Variants in SYT5 observed in about 807,000 individuals in gnomAD.
SYT5 encodes synaptotagmin-5.
Under a neutral mutation model 36.0 loss-of-function variants are expected in SYT5, and 29 were observed. That is an observed-to-expected ratio of 0.81 (90% CI 0.60 to 1.10). The LOEUF is 1.10. Among genes scored for constraint, SYT5 ranks in the 50% least tolerant of loss-of-function variants. SYT5 has a pLI of 0.00. For missense variants in SYT5, 512 were observed against 516.0 expected (o/e 0.99, Z 0.08); for synonymous variants, 231 against 227.6 (o/e 1.02, Z -0.14).
In SYT5 at chr19:55,179,189, C is replaced by T. The variant is rs999732981; in HGVS notation, c.-45-103G>A. ...CGCGAACAGCCGCGCAGAAACCGGA[C>T]AGCCACCGCGAGTCATGCTGGGAGT... On this transcript the variant is annotated intron_variant, in intron 1 of 8. Transcript: ENST00000354308. This position sits in a 1 kb window ranked among gnomAD's most constrained non-coding sequence, Gnocchi z 4.5. 3.9e-6 allele frequency: 6 copies of T among 1,533,600 alleles called. No homozygotes were observed. Among genetic ancestry groups the T allele is most frequent in the African/African-American group, 2.7e-5 (2 of 72,866 alleles). 95.0% of individuals were successfully genotyped at this position (1,533,600 alleles called of 1,614,324 possible).
In SYT5 at chr19:55,173,402, G is replaced by A; in HGVS notation, c.*82C>T. ...AACCGTCAGAGGAAGCTTAAGGGTG[G>A]GGCTGGCTTGGCTTTGGCCGGTCTC... On this transcript the variant is annotated 3_prime_UTR_variant, in exon 9 of 9. Coordinates refer to ENST00000354308, the MANE Select transcript of SYT5 (RefSeq NM_003180.3). This position sits in a 1 kb window ranked among gnomAD's most constrained non-coding sequence, Gnocchi z 5.4. 5 of 1,207,768 alleles carry A rather than the reference G, an allele frequency of 4.1e-6. No homozygotes were observed. The highest frequency in any genetic ancestry group is 5.3e-6 in the Non-Finnish European group (5 of 939,354). The allele number at this position is 1,207,768 out of a possible 1,614,324, so 74.8% of individuals were successfully genotyped here. A position where few individuals can be genotyped will look rare whatever the true frequency, so the allele number is the denominator to read the frequency against.
rs1293000453 is a variant in SYT5 at position 55,179,488 on chromosome 19, G to T, written c.-45-402C>A. 6.4e-6 allele frequency: 2 copies of T among 314,168 alleles called. No individual in the cohort carries two copies. The highest frequency in any genetic ancestry group is 8.5e-4 in the Middle Eastern group (1 of 1,182). The allele number at this position is 314,168 out of a possible 1,614,324, so 19.5% of individuals were successfully genotyped here. A position where few individuals can be genotyped will look rare whatever the true frequency, so the allele number is the denominator to read the frequency against. ...TGTTGCCAGGACAACGGGCGGGGCT[G>T]ACGCACAGACGCGGAGTCCCGGCGG... On this transcript the variant is annotated intron_variant, in intron 1 of 8. Transcript: ENST00000354308. This position sits in a 1 kb window ranked among gnomAD's most constrained non-coding sequence, Gnocchi z 4.5.
intron 3 of SYT5, 130 bp from the exon 4 acceptor site, chr19:55,176,254 T>C (rs2086076203): frequency 2.4e-6 from 3 of 1,266,754 alleles, no homozygotes; most frequent in Non-Finnish European, 3.3e-6. Flanking sequence ...GCAGATTCAG[T>C]ATTTGACTAG....
intron 3 of SYT5, among the ~76,000 whole-genome samples, chr19:55,176,493 T>C (rs1042630382): frequency 6.6e-6 from 1 of 152,248 alleles, no homozygotes; most frequent in Admixed American, 6.5e-5. Flanking sequence ...TTACTTGTGA[T>C]CTTAGCACAG....
rs1264536536 is a variant in SYT5 at position 55,173,653 on chromosome 19, T to C, written c.992A>G (p.Tyr331Cys). The change falls in exon 9 of 9, where the codon TAC becomes TGC. Residue 331 changes from tyrosine (Y) to cysteine (C), a missense_variant. Tyr to Cys is a radical substitution (Grantham distance 194). Coordinates refer to ENST00000354308, the MANE Select transcript of SYT5 (RefSeq NM_003180.3). This position sits in a 1 kb window ranked among gnomAD's most constrained non-coding sequence, Gnocchi z 5.4. ...KVQVELTVLDYDKLGKNEAIG... is the reference protein window; with the variant it reads ...KVQVELTVLDCDKLGKNEAIG... Reference sequence around the variant, plus strand: ...GGCCTCGTTCTTGCCCAGCTTGTCGTAGTCCAGCACGGTCAGCTCCACCTG... The same window carrying C: ...GGCCTCGTTCTTGCCCAGCTTGTCGCAGTCCAGCACGGTCAGCTCCACCTG... 5.4e-6 allele frequency: 8 copies of C among 1,476,312 alleles called. No individual in the cohort carries two copies. The South Asian group carries it at 1.1e-4, about 20-fold the overall frequency. The allele number at this position is 1,476,312 out of a possible 1,614,324, so 91.5% of individuals were successfully genotyped here. A position where few individuals can be genotyped will look rare whatever the true frequency, so the allele number is the denominator to read the frequency against.
chr19:55,178,224 T>G lies in SYT5; in HGVS notation c.224A>C (p.Lys75Thr), dbSNP rs1568879239. The G allele has an allele frequency of 6.2e-7, 1 of 1,609,038 alleles. No individual in the cohort carries two copies. Reference protein sequence around the residue: ...AQAQVHLQEVKGLGQSYIDKV... With the variant: ...AQAQVHLQEVTGLGQSYIDKV... The stretch of plus-strand genomic sequence containing the variant: ...GTCTATGTAACTCTGGCCCAGCCCC[T>G]TCACTTCCTGAAGGTGGACCTGGGC... The change falls in exon 3 of 9, where the codon AAG (lysine) becomes ACG (threonine). Residue 75 changes from lysine (K) to threonine (T), a missense_variant. By Grantham distance (78) the Lys-to-Thr change is moderately conservative (BLOSUM62 -1). Transcript: ENST00000354308.
At position 55,175,324 on chromosome 19, in the gene SYT5, G is replaced by C; in HGVS notation, c.556C>G (p.Leu186Val). ...TFAFKVPYVE[L>V]GGRVLVMAVY... Reference sequence around the variant, plus strand: ...GCCATGACCAGCACCCTGCCCCCCAGCTCCACGTAGGGGACCTGGAGTGCA... The same window carrying C: ...GCCATGACCAGCACCCTGCCCCCCACCTCCACGTAGGGGACCTGGAGTGCA... The change falls in exon 6 of 9, where the codon CTG (leucine) becomes GTG (valine). Residue 186 changes from leucine (L) to valine (V), a missense_variant. By Grantham distance (32) the Leu-to-Val change is conservative. Transcript: ENST00000354308. The surrounding 1 kb of genome is among the most constrained non-coding windows in gnomAD (Gnocchi z 4.5). 6.5e-7 allele frequency: 1 copy of C among 1,542,830 alleles called. No homozygotes were observed. Among genetic ancestry groups the C allele is most frequent in the Non-Finnish European group, 8.7e-7 (1 of 1,147,190 alleles).
intron 3 of SYT5, chr19:55,177,215 A>G (rs536608004): frequency 4.6e-5 from 7 of 152,212 alleles, no homozygotes; most frequent in African/African-American, 1.7e-4. Context: ...AGCCTTCATC[A>G]CCTTCATGAC....
rs1219335741 is a variant in SYT5, at chr19:55,178,358, C to T, written c.90G>A (p.Trp30Ter). The T allele has an allele frequency of 8.7e-6, 14 of 1,610,668 alleles. No individual in the cohort carries two copies. The highest frequency in any genetic ancestry group is 1.2e-5 in the Non-Finnish European group (14 of 1,179,062). The change falls in exon 3 of 9, where the codon TGG becomes TGA. Residue 30 changes from tryptophan to a stop codon, truncating the protein, a stop_gained. Transcript: ENST00000354308. LOFTEE classifies it high-confidence loss of function. ...SRISHGPVPP[W>*]ALATIVLVSG... ...AGACCAGCACGATGGTGGCCAGGGC[C>T]CAGGGGGGCACTGCAGAGGGGTGGA... is the stretch of plus-strand genomic sequence containing the variant.
intron 3 of SYT5, chr19:55,177,597 G>C (rs1043895397): frequency 6.6e-6 from 1 of 151,154 alleles, no homozygotes; most frequent in Non-Finnish European, 1.5e-5. Context: ...ATTGGAGACA[G>C]AGTCTCGCTC....
At chr19:55,177,251 A>G (rs2086086833) in intron 3 of SYT5, 3 of 152,296 alleles carry the variant, frequency 2.0e-5, no homozygotes, top group South Asian at 4.1e-4. Context: ...TTCTCCAGAC[A>G]CTTCACTCCA....
chr19:55,173,718 G>A lies in SYT5; in HGVS notation c.961-34C>T, dbSNP rs2086032140. ...GGCGCGGGAGGAAGAGGAGAGAGGAGCGTGAGGGGAGGAGGCCCCGGAAGG... is the reference window on the plus strand; with the variant it reads ...GGCGCGGGAGGAAGAGGAGAGAGGAACGTGAGGGGAGGAGGCCCCGGAAGG... On this transcript the variant is annotated intron_variant, in intron 8 of 8. Transcript: ENST00000354308. This position sits in a 1 kb window ranked among gnomAD's most constrained non-coding sequence, Gnocchi z 5.4. 7.5e-7 allele frequency: 1 copy of A among 1,331,640 alleles called. No homozygotes were observed. Among genetic ancestry groups the A allele is most frequent in the Non-Finnish European group, 9.7e-7 (1 of 1,033,594 alleles). The allele number at this position is 1,331,640 out of a possible 1,614,324, so 82.5% of individuals were successfully genotyped here.
intron 2 of SYT5, among the ~76,000 whole-genome samples, 178 bp downstream of exon 2, chr19:55,178,774 TTTTTTTTTTTG>T (rs2086107739): frequency 7.8e-6 from 1 of 128,900 alleles, no homozygotes; most frequent in African/African-American, 2.7e-5. Flanking sequence ...TTTTTTTTTT[TTTTTTTTTTTG>T]CAAATCTGTT....
intron 3 of SYT5, among the ~76,000 whole-genome samples, chr19:55,176,772 G>A (rs973673425): frequency 7.2e-5 from 11 of 152,050 alleles, no homozygotes; most frequent in Non-Finnish European, 1.3e-4. Context: ...CTGGTTTAAG[G>A]GACAGGGATG....
In SYT5 at chr19:55,178,753, ATTTTTTTTTTT is replaced by A. The variant is rs5828614; in HGVS notation, c.79+199_79+209del. On this transcript the variant is annotated intron_variant, in intron 2 of 8. Transcript: ENST00000354308. ...TGCAACACCCCTTGATCCGGTTTCG[ATTTTTTTTTTT>A]TTTTTTTTTTTTTTTTTTTTGCAAA... Among the ~76,000 whole-genome samples, 79 of 50,490 alleles carry A rather than the reference ATTTTTTTTTTT, an allele frequency of 1.6e-3. 1 individual carries two copies. The highest frequency in any genetic ancestry group is 5.6e-3 in the African/African-American group (58 of 10,288). 33.1% of individuals were successfully genotyped at this position (50,490 alleles called of 152,430 possible). A position where few individuals can be genotyped will look rare whatever the true frequency, so the allele number is the denominator to read the frequency against.
intron 8 of SYT5, 83 bp downstream of exon 8, chr19:55,174,434 G>C: frequency 6.5e-7 from 1 of 1,540,368 alleles, no homozygotes; most frequent in Non-Finnish European, 8.8e-7. Flanking sequence ...GGTTTCTAGG[G>C]AGATGCTAAA....
Position 55,173,376 on chromosome 19 carries a change from T to G in SYT5, c.*108A>C. On this transcript the variant is annotated 3_prime_UTR_variant, in exon 9 of 9. Coordinates refer to ENST00000354308, the MANE Select transcript of SYT5 (RefSeq NM_003180.3). This position sits in a 1 kb window ranked among gnomAD's most constrained non-coding sequence, Gnocchi z 5.4. ...GTTGGGGTGGAAGGTGGGGGGAGGG[T>G]AACCGTCAGAGGAAGCTTAAGGGTG... 21 of 904,894 alleles carry G rather than the reference T, an allele frequency of 2.3e-5. No individual in the cohort carries two copies. Among genetic ancestry groups the G allele is most frequent in the Non-Finnish European group, 3.0e-5 (20 of 674,388 alleles). 56.1% of individuals were successfully genotyped at this position (904,894 alleles called of 1,614,324 possible).
At position 55,173,672 on chromosome 19, in the gene SYT5, C is replaced by T. The variant is rs778464518; in HGVS notation, c.973G>A (p.Glu325Lys). The T allele has an allele frequency of 3.5e-6, 5 of 1,420,338 alleles. No homozygotes were observed. The Admixed American group carries it at 1.7e-4, about 47-fold the overall frequency. The allele number at this position is 1,420,338 out of a possible 1,614,324, so 88.0% of individuals were successfully genotyped here. ...PCDQVQKVQV[E>K]LTVLDYDKLG... ...TTGTCGTAGTCCAGCACGGTCAGCTCCACCTGCACCTTCTGGGGTGGGCGC... is the reference window on the plus strand; with the variant it reads ...TTGTCGTAGTCCAGCACGGTCAGCTTCACCTGCACCTTCTGGGGTGGGCGC... The change falls in exon 9 of 9, where the codon GAG (glutamate) becomes AAG (lysine). Residue 325 changes from glutamate (E) to lysine (K), a missense_variant. Glu to Lys is a moderately conservative substitution (Grantham distance 56, BLOSUM62 1). Transcript: ENST00000354308. This position sits in a 1 kb window ranked among gnomAD's most constrained non-coding sequence, Gnocchi z 5.4.
Position 55,173,934 on chromosome 19 carries a change from G to A in SYT5, c.961-250C>T, listed in dbSNP as rs552794873. 2.5e-5 allele frequency: 10 copies of A among 407,350 alleles called. No individual in the cohort carries two copies. The Admixed American group carries it at 2.7e-4, about 11-fold the overall frequency. 25.2% of individuals were successfully genotyped at this position (407,350 alleles called of 1,614,324 possible). On this transcript the variant is annotated intron_variant, in intron 8 of 8. Transcript: ENST00000354308. This position sits in a 1 kb window ranked among gnomAD's most constrained non-coding sequence, Gnocchi z 5.4. ...TGAACCCTCAGGACTCGGTTGCGGA[G>A]CGGGTGTGTTCGGCGCCTCCTGGGG...
Sources: gnomAD v4.1 joint callset for allele counts (sites outside exome capture counted in the v4.1 genomes callset) on GRCh38, gnomAD v4.1.1 for gene constraint, Gnocchi (gnomAD v3.1) non-coding constraint, MANE v1.5 for transcripts, NCBI Gene and HGNC (gene_info 2026-07-23, HGNC 2026-07-21) for gene names.